BRINP3: variants seen among roughly 807,000 people sequenced by gnomAD.
The protein encoded by BRINP3 is BMP/retinoic acid inducible neural specific 3, also known as BMP/retinoic acid-inducible neural-specific protein 3.
In BRINP3, 19 loss-of-function variants were observed where a neutral mutation model predicts 71.0. That is an observed-to-expected ratio of 0.27 (90% confidence interval 0.19 to 0.39). The LOEUF (loss-of-function observed/expected upper bound fraction) is 0.39, where lower values mean the gene tolerates loss of function less well. Ranked by LOEUF, BRINP3 falls within the 10% of genes least tolerant of loss-of-function variation. The probability of loss-of-function intolerance (pLI) is 1.00; values close to 1 mark genes in which losing one functional copy is unlikely to be tolerated. For synonymous variants in BRINP3, 380 were observed against 337.7 expected (o/e 1.13, Z -1.37); for missense variants, 959 against 940.8 (o/e 1.02, Z -0.25).
rs34343187 is a variant in BRINP3 at position 190,408,019 on chromosome 1, C to CTTTTT, written c.236+46631_236+46635dup. Among the ~76,000 whole-genome samples the CTTTTT allele has an allele frequency of 2.0e-3, 199 of 99,780 alleles. 3 individuals are homozygous for CTTTTT. Among genetic ancestry groups the CTTTTT allele is most frequent in the African/African-American group, 3.2e-3 (77 of 24,180 alleles). 65.5% of individuals were successfully genotyped at this position (99,780 alleles called of 152,430 possible). A position where few individuals can be genotyped will look rare whatever the true frequency, so the allele number is the denominator to read the frequency against. On this transcript the variant is annotated intron_variant, in intron 2 of 7. Coordinates refer to ENST00000367462, the MANE Select transcript of BRINP3 (RefSeq NM_199051.3). ...GATGTACTTTCTTTTCTACATTTGT[C>CTTTTT]TTTTTTTTTTTTTTTTTTTTGAGAT...
rs745874265 is a variant in BRINP3 at position 190,160,756 on chromosome 1, A to G, written c.1096T>C (p.Phe366Leu). The G allele has an allele frequency of 3.1e-6, 5 of 1,613,598 alleles. No homozygotes were observed. The Admixed American group carries it at 5.0e-5, about 16-fold the overall frequency. The stretch of plus-strand genomic sequence containing the variant: ...TGTACAATTTTCTGCGCCTTTAGGA[A>G]AAGTTGTTTCATGCTGTTCTCCAGT... ...EQLENSMKQL[F>L]LKAQKIVHKL... The change falls in exon 7 of 8, where the codon TTC (phenylalanine) becomes CTC (leucine). Residue 366 changes from phenylalanine (F) to leucine (L), a missense_variant. Phe to Leu is a conservative substitution (Grantham distance 22). Transcript: ENST00000367462.
intron 2 of BRINP3, among the ~76,000 whole-genome samples, chr1:190,391,392 T>A (rs1367931012): frequency 6.6e-6 from 1 of 151,850 alleles, no homozygotes; most frequent in Non-Finnish European, 1.5e-5. Context: ...GAATTCCATT[T>A]GCTGTTATAT....
chr1:190,131,870 G>T (rs1340267154), intron 7 of BRINP3, among the ~76,000 whole-genome samples: 2 of 151,950 alleles, frequency 1.3e-5, no homozygotes, highest in Admixed American at 1.3e-4. Context: ...TTCTGTATTG[G>T]TCATTTGCAA....
At chr1:190,443,232 A>G (rs1389436728) in intron 2 of BRINP3, among the ~76,000 whole-genome samples, 1 of 151,796 alleles carries the variant, frequency 6.6e-6, no homozygotes, top group East Asian at 1.9e-4. Flanking sequence ...GAAAATATTC[A>G]GTCTCTACTA....
chr1:190,171,566 A>G (rs1254432197), intron 6 of BRINP3, among the ~76,000 whole-genome samples: 1 of 152,134 alleles, frequency 6.6e-6, no homozygotes, highest in Non-Finnish European at 1.5e-5. Flanking sequence ...AAATTAAGAA[A>G]TTTCATCCAT....
At chr1:190,102,128 G>A (rs1488329758) in intron 7 of BRINP3, among the ~76,000 whole-genome samples, 2 of 152,022 alleles carry the variant, frequency 1.3e-5, no homozygotes, top group African/African-American at 2.4e-5. Context: ...CATTCTACAA[G>A]GAGGAAATAG....
intron 5 of BRINP3, 55 bp downstream of exon 5, chr1:190,234,317 A>T (rs1658309307): frequency 7.5e-7 from 1 of 1,326,486 alleles, no homozygotes; most frequent in Non-Finnish European, 1.1e-6. Context: ...AGAAATCACG[A>T]CTGGATAATT....
At chr1:190,184,425 T>C (rs999752155) in intron 6 of BRINP3, among the ~76,000 whole-genome samples, 8 of 152,124 alleles carry the variant, frequency 5.3e-5, no homozygotes, top group African/African-American at 1.9e-4. Flanking sequence ...AAAAGACACA[T>C]GCACTCATAT....
chr1:190,378,269 A>G (rs1224867008), intron 2 of BRINP3, among the ~76,000 whole-genome samples: 2 of 152,202 alleles, frequency 1.3e-5, no homozygotes, highest in South Asian at 4.1e-4. Flanking sequence ...TTCCATCACT[A>G]ACAGAAAAAA....
At chr1:190,214,307 T>C (rs1656226288) in intron 6 of BRINP3, among the ~76,000 whole-genome samples, 1 of 152,094 alleles carries the variant, frequency 6.6e-6, no homozygotes. Flanking sequence ...CATGACTTGA[T>C]ATCAAAAGAA....
At chr1:190,169,021 T>G (rs537696258) in intron 6 of BRINP3, among the ~76,000 whole-genome samples, 1 of 152,324 alleles carries the variant, frequency 6.6e-6, no homozygotes, top group Middle Eastern at 3.4e-3. Flanking sequence ...CAATTTATTT[T>G]ACAAGGACGT....
At chr1:190,412,885 AG>A (rs1306051067) in intron 2 of BRINP3, among the ~76,000 whole-genome samples, 4 of 152,176 alleles carry the variant, frequency 2.6e-5, no homozygotes, top group Non-Finnish European at 4.4e-5. Context: ...AAAAAATAAA[AG>A]TAATTTACAA....
At chr1:190,434,345 G>C (rs1674308289) in intron 2 of BRINP3, among the ~76,000 whole-genome samples, 1 of 151,746 alleles carries the variant, frequency 6.6e-6, no homozygotes, top group African/African-American at 2.4e-5. Flanking sequence ...CCTGACCTCG[G>C]GTGATCTGCC....
At chr1:190,354,849 A>G (rs546720654) in intron 2 of BRINP3, among the ~76,000 whole-genome samples, 1 of 151,852 alleles carries the variant, frequency 6.6e-6, no homozygotes, top group Non-Finnish European at 1.5e-5. Flanking sequence ...CATTTAAAAA[A>G]TATATTGATC....
At chr1:190,130,924 C>T (rs1012939766) in intron 7 of BRINP3, among the ~76,000 whole-genome samples, 20 of 151,914 alleles carry the variant, frequency 1.3e-4, no homozygotes, top group Admixed American at 4.6e-4. Flanking sequence ...GATTCCTGAA[C>T]GATTATCTGC....
chr1:190,281,703 T>C lies in BRINP3; in HGVS notation c.284A>G (p.Asn95Ser). The C allele has an allele frequency of 6.2e-7, 1 of 1,612,636 alleles. No homozygotes were observed. The change falls in exon 3 of 8, where the codon AAT (asparagine) becomes AGT (serine). Residue 95 changes from asparagine (N) to serine (S), a missense_variant. By Grantham distance (46) the Asn-to-Ser change is conservative. Coordinates refer to ENST00000367462, the MANE Select transcript of BRINP3 (RefSeq NM_199051.3). ...KVNNLAVERR[N>S]FLGSPLPLAP... ...AAGAGGCAGAGGAGAGCCAAGGAAA[T>C]TTCTTCTCTCAACTGCAAGGTTATT... is the stretch of plus-strand genomic sequence containing the variant.
chr1:190,453,970 A>AC (rs928258737), intron 2 of BRINP3, among the ~76,000 whole-genome samples: 1 of 152,198 alleles, frequency 6.6e-6, no homozygotes, highest in African/African-American at 2.4e-5. Flanking sequence ...CCATCAGGCA[A>AC]CCACTTGTAC....
intron 4 of BRINP3, among the ~76,000 whole-genome samples, chr1:190,244,282 C>G (rs1349370079): frequency 6.6e-6 from 1 of 152,028 alleles, no homozygotes; most frequent in Non-Finnish European, 1.5e-5. Context: ...GTTGCCAAGA[C>G]TGGGAAGCAA....
At chr1:190,277,603 A>G (rs572689863) in intron 3 of BRINP3, among the ~76,000 whole-genome samples, 1 of 151,652 alleles carries the variant, frequency 6.6e-6, no homozygotes, top group Non-Finnish European at 1.5e-5. Flanking sequence ...TTCTCCCCCT[A>G]ATTAAAGCCC....
Sources: gnomAD v4.1 joint callset for allele counts (sites outside exome capture counted in the v4.1 genomes callset) on GRCh38, gnomAD v4.1.1 for gene constraint, MANE v1.5 for transcripts, NCBI Gene and HGNC (gene_info 2026-07-23, HGNC 2026-07-21) for gene names.